Variants in HS3ST4 observed in about 807,000 individuals in gnomAD.
HS3ST4 encodes the protein heparan sulfate glucosamine 3-O-sulfotransferase 4.
Under a neutral mutation model 29.2 loss-of-function variants are expected in HS3ST4, and 17 were observed. That is an observed-to-expected ratio of 0.58 (90% CI 0.40 to 0.87). The LOEUF (loss-of-function observed/expected upper bound fraction) is 0.87, where lower values mean the gene tolerates loss of function less well. Ranked by LOEUF, HS3ST4 falls within the 40% of genes least tolerant of loss-of-function variation. The pLI is 0.00. For synonymous variants in HS3ST4, 314 were observed against 285.7 expected, an observed-to-expected ratio of 1.10 and a Z score of -1.00; for missense variants, 627 against 634.5, an observed-to-expected ratio of 0.99 and a Z score of 0.13.
intron 1 of HS3ST4, among the ~76,000 whole-genome samples, chr16:25,950,918 CTAT>C (rs1968678762): frequency 6.6e-6 from 1 of 152,162 alleles, no homozygotes; most frequent in Non-Finnish European, 1.5e-5. Flanking sequence ...ATCACTCTTC[CTAT>C]TATTATTGAA....
intron 1 of HS3ST4, among the ~76,000 whole-genome samples, chr16:25,858,108 C>G (rs985625128): frequency 6.8e-6 from 1 of 146,020 alleles, no homozygotes; most frequent in African/African-American, 2.5e-5. Context: ...TTCATTCCTT[C>G]TTTCTTTTTT....
At chr16:25,717,507 A>AGG (rs34766485) in intron 1 of HS3ST4, among the ~76,000 whole-genome samples, 50 of 112,572 alleles carry the variant, frequency 4.4e-4, no homozygotes, top group African/African-American at 1.4e-3. Flanking sequence ...TAGAAGGTGA[A>AGG]GGGGTGTGTG....
chr16:25,899,806 T>A (rs930526529), intron 1 of HS3ST4, among the ~76,000 whole-genome samples: 2 of 152,134 alleles, frequency 1.3e-5, no homozygotes, highest in African/African-American at 4.8e-5. Context: ...GGACTTCTCC[T>A]TCTTCTCTCT....
At chr16:25,794,943 ATATT>A (rs1294382745) in intron 1 of HS3ST4, among the ~76,000 whole-genome samples, 2 of 146,646 alleles carry the variant, frequency 1.4e-5, no homozygotes, top group Non-Finnish European at 3.0e-5. Context: ...ACACACATAT[ATATT>A]CATAATTTTC....
intron 1 of HS3ST4, among the ~76,000 whole-genome samples, chr16:26,017,098 C>G (rs766001664): frequency 1.7e-4 from 26 of 152,360 alleles, no homozygotes; most frequent in Non-Finnish European, 2.6e-4. Context: ...TAAACAAACA[C>G]TTGCATTCAG....
At chr16:26,069,703 C>T (rs1898580589) in intron 1 of HS3ST4, among the ~76,000 whole-genome samples, 1 of 102,830 alleles carries the variant, frequency 9.7e-6, no homozygotes, top group Non-Finnish European at 1.8e-5. Context: ...CTATCCCTCC[C>T]CCCTCCCCCC....
chr16:25,896,317 A>G (rs938764257), intron 1 of HS3ST4, among the ~76,000 whole-genome samples: 1 of 152,172 alleles, frequency 6.6e-6, no homozygotes, highest in Non-Finnish European at 1.5e-5. Flanking sequence ...GGCTTCCTCA[A>G]ATATTAACCT....
At chr16:25,741,475 T>A (rs1372235540) in intron 1 of HS3ST4, among the ~76,000 whole-genome samples, 1 of 151,948 alleles carries the variant, frequency 6.6e-6, no homozygotes, top group African/African-American at 2.4e-5. Context: ...CTGCTTCTTG[T>A]TGAACTTGGT....
At chr16:26,052,727 A>G (rs919933857) in intron 1 of HS3ST4, among the ~76,000 whole-genome samples, 1 of 152,194 alleles carries the variant, frequency 6.6e-6, no homozygotes, top group African/African-American at 2.4e-5. Context: ...TCTGCCTCAT[A>G]TCAGAGAACC....
intron 1 of HS3ST4, among the ~76,000 whole-genome samples, chr16:25,740,126 A>G (rs1277535754): frequency 1.3e-5 from 2 of 152,118 alleles, no homozygotes; most frequent in Admixed American, 6.6e-5. Context: ...TTTGAAAAGC[A>G]CTGAGCTGAG....
At chr16:25,928,375 T>A (rs112818196) in intron 1 of HS3ST4, among the ~76,000 whole-genome samples, 13,845 of 103,640 alleles carry the variant, frequency 0.13, 692 homozygotes, top group African/African-American at 0.18. Context: ...TATTAAAAAA[T>A]AAAATAGAAG....
intron 1 of HS3ST4, among the ~76,000 whole-genome samples, chr16:26,096,308 C>T (rs1338159466): frequency 6.6e-6 from 1 of 152,166 alleles, no homozygotes. Flanking sequence ...GAATTGTAGA[C>T]CAATATCCCT....
chr16:25,833,719 C>G (rs1168264956), intron 1 of HS3ST4, among the ~76,000 whole-genome samples: 1 of 152,138 alleles, frequency 6.6e-6, no homozygotes, highest in African/African-American at 2.4e-5. Flanking sequence ...ACAGGGGAGA[C>G]TCAGTCTGCA....
intron 1 of HS3ST4, among the ~76,000 whole-genome samples, chr16:25,844,271 CG>C (rs1967443381): frequency 6.6e-6 from 1 of 152,124 alleles, no homozygotes; most frequent in Non-Finnish European, 1.5e-5. Context: ...ACACATTTAT[CG>C]TTTTGTTGCT....
chr16:25,835,714 T>C (rs1003833732), intron 1 of HS3ST4, among the ~76,000 whole-genome samples: 2 of 152,244 alleles, frequency 1.3e-5, no homozygotes, highest in African/African-American at 4.8e-5. Context: ...AATTCTGTGC[T>C]GTTTCTTTTC....
intron 1 of HS3ST4, among the ~76,000 whole-genome samples, chr16:26,118,847 T>C (rs1052654823): frequency 6.6e-6 from 1 of 152,158 alleles, no homozygotes; most frequent in Non-Finnish European, 1.5e-5. Flanking sequence ...TTGGAGAACA[T>C]ACCATATAGG....
At chr16:25,916,780 C>T (rs932331707) in intron 1 of HS3ST4, among the ~76,000 whole-genome samples, 6 of 142,510 alleles carry the variant, frequency 4.2e-5, no homozygotes, top group Admixed American at 1.4e-4. Flanking sequence ...CCCAGGTTCA[C>T]GCCATTCTCC....
chr16:26,108,766 A>G (rs894712037), intron 1 of HS3ST4, among the ~76,000 whole-genome samples: 9 of 152,244 alleles, frequency 5.9e-5, no homozygotes, highest in African/African-American at 2.2e-4. Context: ...GATTTCTCAA[A>G]TAGGCTAGGA....
At chr16:26,125,693 G>A (rs907858015) in intron 1 of HS3ST4, among the ~76,000 whole-genome samples, 2 of 152,184 alleles carry the variant, frequency 1.3e-5, no homozygotes, top group Non-Finnish European at 2.9e-5. Context: ...CACCTTCTAT[G>A]TCCTTAGTCC....
Sources: allele counts gnomAD v4.1 joint callset (sites outside exome capture counted in the v4.1 genomes callset), GRCh38; gene constraint gnomAD v4.1.1; transcripts MANE v1.5; gene names NCBI Gene and HGNC (gene_info 2026-07-23, HGNC 2026-07-21).